Variants in HSPH1 observed in about 807,000 individuals in gnomAD.
The protein encoded by HSPH1 is heat shock protein 105 kDa.
HSPH1 carries 40 observed loss-of-function variants against 100.0 expected under a neutral mutation model. The ratio of observed to expected loss-of-function variants is 0.40; its 90% CI spans 0.31 to 0.52. HSPH1 has a LOEUF of 0.52. HSPH1 is among the 20% of genes least tolerant of loss of function. The probability of loss-of-function intolerance (pLI) is 0.54; values close to 1 mark genes in which losing one functional copy is unlikely to be tolerated. For missense variants in HSPH1, 876 were observed against 1,015.1 expected (o/e 0.86, Z 1.86); for synonymous variants, 403 against 344.0 (o/e 1.17, Z -1.90).
At chr13:31,145,790 T>C in intron 10 of HSPH1, 22 bp from the exon 11 acceptor site, 1 of 1,600,864 alleles carries the variant, frequency 6.2e-7, no homozygotes, top group Non-Finnish European at 8.6e-7. Context: ...ACAACAAAAA[T>C]CACAAAATCA....
At chr13:31,140,975 C>T (rs1251259531) in intron 13 of HSPH1, 147 bp downstream of exon 13, 7 of 478,658 alleles carry the variant, frequency 1.5e-5, no homozygotes, top group Non-Finnish European at 2.1e-5. Context: ...CTGCAAAATT[C>T]GTTAGTTTTG....
chr13:31,141,085 A>G (rs934587238), intron 13 of HSPH1, 37 bp downstream of exon 13: 12 of 1,330,516 alleles, frequency 9.0e-6, no homozygotes, highest in Non-Finnish European at 1.2e-5. Context: ...GAAACTAAAC[A>G]TATTTCAAAA....
Position 31,152,875 on chromosome 13 carries a change from C to T in HSPH1, c.506G>A (p.Arg169Lys). Residue 169 changes from arginine (R) to lysine (K), a missense_variant, in exon 5 of 18, where the codon AGA becomes AAA. Arg to Lys is a conservative substitution (Grantham distance 26). Coordinates refer to ENST00000320027, the MANE Select transcript of HSPH1 (RefSeq NM_006644.4). ...AAQIVGLNCL[R>K]LMNDMTAVAL... ...ACCAGCTGTCATGTCATTCATAAGTCTTAAACAGTTTAGGCCAACAATCTG... is the reference window on the plus strand; with the variant it reads ...ACCAGCTGTCATGTCATTCATAAGTTTTAAACAGTTTAGGCCAACAATCTG... 1 of 1,612,150 alleles carries T rather than the reference C, an allele frequency of 6.2e-7. No homozygotes were observed. Among genetic ancestry groups the T allele is most frequent in the Non-Finnish European group, 8.5e-7 (1 of 1,178,436 alleles).
chr13:31,137,411 T>C lies in HSPH1; in HGVS notation c.2484A>G (p.Leu828=), dbSNP rs1955920061. The C allele has an allele frequency of 6.2e-7, 1 of 1,613,588 alleles. No homozygotes were observed. Among genetic ancestry groups the C allele is most frequent in the Non-Finnish European group, 8.5e-7 (1 of 1,179,610 alleles). The change falls in exon 18 of 18, where the codon TTA becomes TTG. Residue 828 remains leucine, a synonymous_variant. Coordinates refer to ENST00000320027, the MANE Select transcript of HSPH1 (RefSeq NM_006644.4). ...GPNIDKKEED[L]EDKNNFGAEP... The stretch of plus-strand genomic sequence containing the variant: ...CAGCACCAAAATTGTTTTTGTCTTC[T>C]AAATCTTCTTCCTTTTTATCAATAT...
At chr13:31,148,821 A>C (rs771718819) in intron 8 of HSPH1, among the ~76,000 whole-genome samples, 2 of 152,210 alleles carry the variant, frequency 1.3e-5, no homozygotes, top group Middle Eastern at 3.4e-3. Context: ...TGTATAATAC[A>C]TACATACATG....
At chr13:31,155,706 C>A (rs1429200421) in intron 2 of HSPH1, 52 bp from the exon 3 acceptor site, 4 of 1,446,394 alleles carry the variant, frequency 2.8e-6, no homozygotes, top group Non-Finnish European at 3.8e-6. Context: ...TCACCACCTA[C>A]CAGTAATTTT....
chr13:31,152,983 A>G lies in HSPH1; in HGVS notation c.430-32T>C, dbSNP rs41292147. The G allele has an allele frequency of 3.2e-3, 4,435 of 1,403,114 alleles. 6 individuals carry two copies. The highest frequency in any genetic ancestry group is 4.3e-3 in the Middle Eastern group (24 of 5,630). The allele number at this position is 1,403,114 out of a possible 1,614,324, so 86.9% of individuals were successfully genotyped here. Reference sequence around the variant, plus strand: ...ACAAACAAAAAATTTTGAATTATCTAGAACACAAAATATACTTAGAAATTC... The same window carrying G: ...ACAAACAAAAAATTTTGAATTATCTGGAACACAAAATATACTTAGAAATTC... On this transcript the variant is annotated intron_variant, in intron 4 of 17. Transcript: ENST00000320027.
At chr13:31,138,142 G>A (rs532482415) in intron 17 of HSPH1, among the ~76,000 whole-genome samples, 1 of 152,196 alleles carries the variant, frequency 6.6e-6, no homozygotes, top group East Asian at 1.9e-4. Context: ...TTGCACACTT[G>A]TTTAATCCTG....
chr13:31,142,886 A>T (rs1037962221), intron 12 of HSPH1, among the ~76,000 whole-genome samples: 1 of 152,088 alleles, frequency 6.6e-6, no homozygotes, highest in Non-Finnish European at 1.5e-5. Context: ...ATCATCACAC[A>T]ACTTAACAGT....
chr13:31,156,246 C>G (rs1197445820), intron 2 of HSPH1, among the ~76,000 whole-genome samples: 1 of 151,990 alleles, frequency 6.6e-6, no homozygotes, highest in Non-Finnish European at 1.5e-5. Flanking sequence ...AAAAATTAGC[C>G]GGGCGTGGTT....
chr13:31,151,548 G>A (rs1956487224), intron 6 of HSPH1, 61 bp downstream of exon 6: 6 of 1,485,190 alleles, frequency 4.0e-6, no homozygotes, highest in Non-Finnish European at 5.5e-6. Flanking sequence ...AAGAGGCTCA[G>A]TAGCTTAAAG....
In HSPH1 at chr13:31,152,902, G is replaced by T; in HGVS notation, c.479C>A (p.Ala160Glu). 1 of 1,612,776 alleles carries T rather than the reference G, an allele frequency of 6.2e-7. No individual in the cohort carries two copies. Reference protein sequence around the residue: ...DAERRSVLDAAQIVGLNCLRL... With the variant: ...DAERRSVLDAEQIVGLNCLRL... ...TAAACAGTTTAGGCCAACAATCTGTGCAGCATCTAACACAGATCGCCTCTC... is the reference window on the plus strand; with the variant it reads ...TAAACAGTTTAGGCCAACAATCTGTTCAGCATCTAACACAGATCGCCTCTC... Residue 160 changes from alanine to glutamate, a missense_variant, in exon 5 of 18, where the codon GCA (alanine) becomes GAA (glutamate). By Grantham distance (107) the Ala-to-Glu change is moderately radical. Coordinates refer to ENST00000320027, the MANE Select transcript of HSPH1 (RefSeq NM_006644.4).
chr13:31,135,368 A>T lies in HSPH1; in HGVS notation c.*1950T>A, dbSNP rs1199089783. The T allele has an allele frequency of 6.6e-6, 1 of 152,256 alleles. No homozygotes were observed. The highest frequency in any genetic ancestry group is 1.5e-5 in the Non-Finnish European group (1 of 68,050). 9.4% of individuals were successfully genotyped at this position (152,256 alleles called of 1,614,324 possible). A position where few individuals can be genotyped will look rare whatever the true frequency, so the allele number is the denominator to read the frequency against. On this transcript the variant is annotated 3_prime_UTR_variant, in exon 18 of 18. Transcript: ENST00000320027. ...TTCACTTCTCAATGTGTAAATGTGT[A>T]TCTACTAAGTATACATTAATGTGCA...
intron 12 of HSPH1, among the ~76,000 whole-genome samples, chr13:31,143,542 CTT>C (rs371069995): frequency 7.9e-5 from 12 of 152,138 alleles, no homozygotes; most frequent in African/African-American, 2.7e-4. Context: ...ACATTAGTCT[CTT>C]GTTACTTCGA....
At position 31,152,886 on chromosome 13, in the gene HSPH1, T is replaced by C. The variant is rs975257776; in HGVS notation, c.495A>G (p.Leu165=). The change falls in exon 5 of 18, where the codon CTA becomes CTG. Residue 165 remains leucine (L), a synonymous_variant. Coordinates refer to ENST00000320027, the MANE Select transcript of HSPH1 (RefSeq NM_006644.4). ...SVLDAAQIVG[L]NCLRLMNDMT... ...TGTCATTCATAAGTCTTAAACAGTT[T>C]AGGCCAACAATCTGTGCAGCATCTA... 1 of 1,612,778 alleles carries C rather than the reference T, an allele frequency of 6.2e-7. No homozygotes were observed.
upstream of HSPH1, chr13:31,162,346 C>T (rs1956954322): frequency 5.3e-6 from 3 of 565,234 alleles, no homozygotes; most frequent in South Asian, 6.1e-5. Context: ...GGCCAGCTGT[C>T]CGGAGAGCAT....
chr13:31,139,720 T>C (rs1301498995), intron 14 of HSPH1, among the ~76,000 whole-genome samples: 1 of 152,014 alleles, frequency 6.6e-6, no homozygotes, highest in Non-Finnish European at 1.5e-5. Context: ...CTTTCACAGT[T>C]GTGCTTCTGG....
At chr13:31,138,372 G>T in intron 17 of HSPH1, 35 bp downstream of exon 17, 1 of 1,599,670 alleles carries the variant, frequency 6.3e-7, no homozygotes, top group Non-Finnish European at 8.5e-7. Flanking sequence ...GTCCGTAAGT[G>T]AACCCAGCAG....
At position 31,145,766 on chromosome 13, in the gene HSPH1, G is replaced by T. The variant is rs757412805; in HGVS notation, c.1381C>A (p.Arg461Ser). ...GCAGAAACATTCTGAACTACAAAGC[G>T]GCCTAGAACAACAACAACAAAAATC... ...GVPYPEAKIG[R>S]FVVQNVSAQK... The change falls in exon 11 of 18, where the codon CGC (arginine) becomes AGC (serine). Residue 461 changes from arginine to serine, a missense_variant and splice_region_variant. Coordinates refer to ENST00000320027, the MANE Select transcript of HSPH1 (RefSeq NM_006644.4). 6.2e-7 allele frequency: 1 copy of T among 1,612,774 alleles called. No individual in the cohort carries two copies.
Sources: gnomAD v4.1 joint callset for allele counts (sites outside exome capture counted in the v4.1 genomes callset) on GRCh38, gnomAD v4.1.1 for gene constraint, MANE v1.5 for transcripts, NCBI Gene and HGNC (gene_info 2026-07-23, HGNC 2026-07-21) for gene names.